Variants in NAV2 observed in about 807,000 individuals in gnomAD.
NAV2 encodes helicase, APC down-regulated 1.
In NAV2, 54 loss-of-function variants were observed where a neutral mutation model predicts 223.2. The ratio of observed to expected loss-of-function variants is 0.24; its 90% CI spans 0.19 to 0.30. NAV2 has a LOEUF of 0.30. NAV2 is among the 10% of genes least tolerant of loss of function. The pLI, the probability that NAV2 is intolerant of heterozygous loss-of-function variation, is 1.00. For missense variants in NAV2, 2,806 were observed against 3,147.5 expected (o/e 0.89, Z 2.60); for synonymous variants, 1,279 against 1,239.3 (o/e 1.03, Z -0.67).
intron 11 of NAV2, among the ~76,000 whole-genome samples, chr11:20,016,860 G>A (rs1321959425): frequency 1.4e-5 from 2 of 146,878 alleles, no homozygotes; most frequent in Non-Finnish European, 3.0e-5. Context: ...AAAAAAATTA[G>A]CCAGGTGCGG....
intron 1 of NAV2, among the ~76,000 whole-genome samples, chr11:19,486,568 G>A (rs911423823): frequency 1.3e-5 from 2 of 152,022 alleles, no homozygotes; most frequent in East Asian, 1.9e-4. Context: ...CCTTTTGCTC[G>A]GCACTTCTCT....
rs112326547 is a variant in NAV2 at position 20,006,675 on chromosome 11, C to CAAATAAATAAAT, written c.2768+22445_2768+22456dup. 6.6e-3 allele frequency among the ~76,000 whole-genome samples: 999 copies of CAAATAAATAAAT among 150,802 alleles called. 8 individuals are homozygous for CAAATAAATAAAT. The highest frequency in any genetic ancestry group is 0.023 in the African/African-American group (939 of 40,852). ...GGGCGACAAGAGCAAAACTCCATCTCAAATAAATAAATAAATAAATAAATA... is the reference window on the plus strand; with the variant it reads ...GGGCGACAAGAGCAAAACTCCATCTCAAATAAATAAATAAATAAATAAATAAATAAATAAATA... On this transcript the variant is annotated intron_variant, in intron 11 of 37. Coordinates refer to ENST00000349880, the MANE Select transcript of NAV2 (RefSeq NM_145117.5).
chr11:19,764,116 G>A (rs1226675088), intron 1 of NAV2, among the ~76,000 whole-genome samples: 2 of 152,188 alleles, frequency 1.3e-5, no homozygotes, highest in South Asian at 2.1e-4. Flanking sequence ...GGACGAACAC[G>A]TGCCTTAGTG....
intron 1 of NAV2, among the ~76,000 whole-genome samples, chr11:19,529,446 C>A (rs562516953): frequency 3.9e-5 from 6 of 152,188 alleles, no homozygotes; most frequent in Non-Finnish European, 7.3e-5. Flanking sequence ...GGAGGCCCCC[C>A]AATACCATCC....
chr11:19,780,204 T>G (rs749903632), intron 1 of NAV2, among the ~76,000 whole-genome samples: 3 of 152,156 alleles, frequency 2.0e-5, no homozygotes, highest in Non-Finnish European at 2.9e-5. Flanking sequence ...AGCTGGTAGA[T>G]CCTACATCTG....
At position 19,949,150 on chromosome 11, in the gene NAV2, G is replaced by GCT. The variant is rs199528542; in HGVS notation, c.2645+73_2645+74dup. ...TGGCACCTGGCTTCTCTTTTGTAGG[G>GCT]CTCTATTTGATTCTTCTGGAGGAGG... On this transcript the variant is annotated intron_variant, in intron 10 of 37. Transcript: ENST00000349880. The GCT allele has an allele frequency of 7.6e-4, 1,133 of 1,483,910 alleles. 8 individuals carry two copies. The African/African-American group carries it at 0.013, about 16-fold the overall frequency. 91.9% of individuals were successfully genotyped at this position (1,483,910 alleles called of 1,614,324 possible).
chr11:19,816,788 T>C (rs1474275534), intron 1 of NAV2, among the ~76,000 whole-genome samples: 5 of 152,220 alleles, frequency 3.3e-5, no homozygotes, highest in Admixed American at 1.3e-4. Context: ...GTTGGCATCA[T>C]TATGTAAAAA....
intron 1 of NAV2, among the ~76,000 whole-genome samples, chr11:19,422,317 G>A (rs1445932293): frequency 6.6e-6 from 1 of 152,182 alleles, no homozygotes; most frequent in Non-Finnish European, 1.5e-5. Context: ...CTGATGGTGA[G>A]AGAACCAGTG....
chr11:19,524,070 C>A (rs2043766549), intron 1 of NAV2, among the ~76,000 whole-genome samples: 1 of 152,200 alleles, frequency 6.6e-6, no homozygotes, highest in African/African-American at 2.4e-5. Flanking sequence ...CACTTGTCAA[C>A]CTGTATTTGT....
intron 1 of NAV2, among the ~76,000 whole-genome samples, chr11:19,462,389 A>G (rs191240698): frequency 2.0e-5 from 3 of 152,336 alleles, no homozygotes; most frequent in Admixed American, 1.3e-4. Context: ...GGGGAAGCTG[A>G]GATTCAGAGA....
intron 31 of NAV2, among the ~76,000 whole-genome samples, chr11:20,099,500 A>G (rs1260988205): frequency 6.6e-6 from 1 of 152,220 alleles, no homozygotes. Flanking sequence ...ACCCCTCTGC[A>G]GACCCTGATC....
intron 1 of NAV2, among the ~76,000 whole-genome samples, chr11:19,464,292 G>A (rs146783778): frequency 8.1e-4 from 123 of 152,260 alleles, no homozygotes; most frequent in Middle Eastern, 3.4e-3. Context: ...GAGGGGCTGG[G>A]GCCCGGAAAA....
chr11:19,489,882 CAGAACCCCAATATTT>C (rs1188825512), intron 1 of NAV2, among the ~76,000 whole-genome samples: 25 of 152,140 alleles, frequency 1.6e-4, no homozygotes, highest in African/African-American at 5.3e-4. Context: ...TCCACAGTCC[CAGAACCCCAATATTT>C]AGCTGGACAC....
intron 1 of NAV2, among the ~76,000 whole-genome samples, chr11:19,636,974 A>G (rs1398412011): frequency 1.3e-5 from 2 of 152,238 alleles, no homozygotes; most frequent in Non-Finnish European, 2.9e-5. Flanking sequence ...AATGGGCCAG[A>G]TGTGATTCCA....
chr11:19,917,618 T>C (rs1311853193), intron 6 of NAV2, among the ~76,000 whole-genome samples: 1 of 152,156 alleles, frequency 6.6e-6, no homozygotes, highest in African/African-American at 2.4e-5. Context: ...CACAGGTCTG[T>C]TTTTGTTTTT....
At position 19,933,130 on chromosome 11, in the gene NAV2, C is replaced by T; in HGVS notation, c.932-46C>T. 4 of 1,478,892 alleles carry T rather than the reference C, an allele frequency of 2.7e-6. No homozygotes were observed. The highest frequency in any genetic ancestry group is 3.6e-6 in the Non-Finnish European group (4 of 1,112,238). 91.6% of individuals were successfully genotyped at this position (1,478,892 alleles called of 1,614,324 possible). A position where few individuals can be genotyped will look rare whatever the true frequency, so the allele number is the denominator to read the frequency against. Reference sequence around the variant, plus strand: ...GGCTGACCCTCCCTGGTCTTCAGTGCAGGTCAACAAGTATGATTCAGGCCT... The same window carrying T: ...GGCTGACCCTCCCTGGTCTTCAGTGTAGGTCAACAAGTATGATTCAGGCCT... On this transcript the variant is annotated intron_variant, in intron 6 of 37. Coordinates refer to ENST00000349880, the MANE Select transcript of NAV2 (RefSeq NM_145117.5). The surrounding 1 kb of genome is among the most constrained non-coding windows in gnomAD (Gnocchi z 4.3).
intron 14 of NAV2, among the ~76,000 whole-genome samples, chr11:20,046,596 T>TCTCACACACACACACA (rs1554924598): frequency 1.4e-5 from 2 of 145,862 alleles, no homozygotes; most frequent in African/African-American, 5.1e-5. Flanking sequence ...CCCCTCCCCA[T>TCTCACACACACACACA]CACACACACA....
chr11:19,517,172 G>T (rs2043485185), intron 1 of NAV2, among the ~76,000 whole-genome samples: 1 of 152,170 alleles, frequency 6.6e-6, no homozygotes, highest in African/African-American at 2.4e-5. Context: ...CCACTTTCTT[G>T]GTTTCTCATG....
intron 3 of NAV2, among the ~76,000 whole-genome samples, chr11:19,852,706 G>T (rs1000220573): frequency 2.0e-5 from 3 of 152,132 alleles, no homozygotes; most frequent in Admixed American, 6.6e-5. Context: ...TTTGTAATGT[G>T]AATAGTTTTT....
Sources: allele counts gnomAD v4.1 joint callset (sites outside exome capture counted in the v4.1 genomes callset), GRCh38; gene constraint gnomAD v4.1.1; non-coding constraint Gnocchi (gnomAD v3.1); transcripts MANE v1.5; gene names NCBI Gene and HGNC (gene_info 2026-07-23, HGNC 2026-07-21).